SV2C: variants seen among roughly 807,000 people sequenced by gnomAD.
The protein encoded by SV2C is solute carrier family 22 member B3.
Under a neutral mutation model 79.7 loss-of-function variants are expected in SV2C, and 49 were observed. The ratio of observed to expected loss-of-function variants is 0.61; its 90% CI spans 0.49 to 0.78. The LOEUF (loss-of-function observed/expected upper bound fraction) is 0.78, where lower values mean the gene tolerates loss of function less well. Ranked by LOEUF, SV2C falls within the 30% of genes least tolerant of loss-of-function variation. SV2C has a pLI of 0.00. For missense variants in SV2C, 833 were observed against 912.9 expected (o/e 0.91, Z 1.13); for synonymous variants, 334 against 333.2 (o/e 1.00, Z -0.03).
At chr5:76,352,624 A>C (rs1173116529) in intron 12 of SV2C, among the ~76,000 whole-genome samples, 5 of 152,238 alleles carry the variant, frequency 3.3e-5, no homozygotes, top group Non-Finnish European at 2.9e-5. Flanking sequence ...TCAGAACTGT[A>C]AGAAAGAAAT....
Position 76,283,323 on chromosome 5 carries a change from A to T in SV2C, c.914-1839A>T, listed in dbSNP as rs145129405. On this transcript the variant is annotated intron_variant, in intron 4 of 12. Transcript: ENST00000502798. The stretch of plus-strand genomic sequence containing the variant: ...AGAGCGAGACTCCATCTCAAAACAA[A>T]AACCAAAACAAAAGCAAAAGAACAA... Among the ~76,000 whole-genome samples the T allele has an allele frequency of 1.8e-3, 270 of 152,290 alleles. 1 individual carries two copies. The highest frequency in any genetic ancestry group is 6.3e-3 in the African/African-American group (261 of 41,564).
the SV2C span, among the ~76,000 whole-genome samples, chr5:75,926,820 A>G: frequency 7.3e-4 from 111 of 152,320 alleles, no homozygotes; most frequent in Non-Finnish European, 1.5e-3. Flanking sequence ...TATATTAACC[A>G]TTTGAAAAAA....
At chr5:76,076,407 T>C in the SV2C span, among the ~76,000 whole-genome samples, 1 of 152,252 alleles carries the variant, frequency 6.6e-6, no homozygotes. Flanking sequence ...GTTCTAACTA[T>C]TGAAGTTTAA....
chr5:75,874,108 A>G, the SV2C span, among the ~76,000 whole-genome samples: 6 of 152,246 alleles, frequency 3.9e-5, no homozygotes, highest in Middle Eastern at 3.4e-3. Context: ...ACAAAAAAAG[A>G]AAACTTCAGG....
the SV2C span, among the ~76,000 whole-genome samples, chr5:75,971,676 G>A: frequency 1.3e-5 from 2 of 152,020 alleles, no homozygotes; most frequent in Non-Finnish European, 1.5e-5. Context: ...AAATAAAAGA[G>A]GATACAAACA....
chr5:76,285,446 T>C, intron 5 of SV2C, 151 bp downstream of exon 5: 1 of 1,131,812 alleles, frequency 8.8e-7, no homozygotes, highest in Non-Finnish European at 1.2e-6. Context: ...GGAGACCTGC[T>C]TTCAACAACC....
intron 3 of SV2C, among the ~76,000 whole-genome samples, chr5:76,207,935 C>A (rs573152278): frequency 6.6e-6 from 1 of 152,228 alleles, no homozygotes; most frequent in Non-Finnish European, 1.5e-5. Flanking sequence ...GAGTCTAATA[C>A]GGTGCAGTAT....
chr5:76,004,640 T>C, the SV2C span, among the ~76,000 whole-genome samples: 2 of 152,300 alleles, frequency 1.3e-5, no homozygotes, highest in South Asian at 2.1e-4. Context: ...TTGATAATGC[T>C]GTTGGCCAAG....
the SV2C span, among the ~76,000 whole-genome samples, chr5:76,076,368 T>C: frequency 2.0e-5 from 3 of 152,218 alleles, no homozygotes; most frequent in South Asian, 6.2e-4. Flanking sequence ...CATATTTTTC[T>C]TCAAGTACAG....
At chr5:75,899,536 T>C in the SV2C span, among the ~76,000 whole-genome samples, 1 of 152,148 alleles carries the variant, frequency 6.6e-6, no homozygotes, top group African/African-American at 2.4e-5. Context: ...AAAAAATGTA[T>C]ATTCTGTTGA....
chr5:75,946,846 T>A, the SV2C span, among the ~76,000 whole-genome samples: 1 of 152,128 alleles, frequency 6.6e-6, no homozygotes, highest in Non-Finnish European at 1.5e-5. Context: ...CATAGGTACA[T>A]GACTCTATCC....
the SV2C span, among the ~76,000 whole-genome samples, chr5:75,862,697 C>T: frequency 4.6e-5 from 7 of 152,154 alleles, no homozygotes; most frequent in African/African-American, 1.7e-4. Flanking sequence ...GTGGCTGAGG[C>T]ATCCTGTACT....
chr5:76,275,467 A>G (rs1469469234), intron 4 of SV2C, among the ~76,000 whole-genome samples: 1 of 151,348 alleles, frequency 6.6e-6, no homozygotes, highest in Non-Finnish European at 1.5e-5. Flanking sequence ...AGCCTGGGCA[A>G]CAGAGCGAAA....
the SV2C span, among the ~76,000 whole-genome samples, chr5:75,865,577 C>T: frequency 8.5e-5 from 13 of 152,116 alleles, no homozygotes; most frequent in Non-Finnish European, 1.3e-4. Context: ...ATCTACTTTG[C>T]GTGGAAGGAG....
At chr5:76,282,197 G>T (rs1647109605) in intron 4 of SV2C, among the ~76,000 whole-genome samples, 3 of 152,110 alleles carry the variant, frequency 2.0e-5, no homozygotes, top group African/African-American at 7.2e-5. Context: ...GATATAATAA[G>T]CAAATTGATA....
At chr5:75,915,724 G>C in the SV2C span, among the ~76,000 whole-genome samples, 1 of 152,312 alleles carries the variant, frequency 6.6e-6, no homozygotes, top group East Asian at 1.9e-4. Flanking sequence ...AAACCATGGA[G>C]GGCAAGGAGT....
the SV2C span, among the ~76,000 whole-genome samples, chr5:75,923,231 C>A: frequency 6.6e-6 from 1 of 152,168 alleles, no homozygotes; most frequent in South Asian, 2.1e-4. Flanking sequence ...AAGAATGAAA[C>A]TGGATCCCAA....
At chr5:75,847,945 G>T in the SV2C span, among the ~76,000 whole-genome samples, 5 of 152,306 alleles carry the variant, frequency 3.3e-5, no homozygotes, top group East Asian at 9.6e-4. Context: ...CAGCAAGATG[G>T]AGAGAAAAGC....
At chr5:75,894,117 A>T in the SV2C span, among the ~76,000 whole-genome samples, 1 of 152,078 alleles carries the variant, frequency 6.6e-6, no homozygotes, top group Non-Finnish European at 1.5e-5. Context: ...GCAGCATTAT[A>T]CAGACAGATT....
Sources: allele counts gnomAD v4.1 joint callset (sites outside exome capture counted in the v4.1 genomes callset), GRCh38; gene constraint gnomAD v4.1.1; transcripts MANE v1.5; gene names NCBI Gene and HGNC (gene_info 2026-07-23, HGNC 2026-07-21).